PPAT: variants seen among roughly 807,000 people sequenced by gnomAD.
PPAT encodes phosphoribosyl pyrophosphate amidotransferase.
In PPAT, 20 loss-of-function variants were observed where a neutral mutation model predicts 60.2. That is an observed-to-expected ratio of 0.33 (90% confidence interval 0.23 to 0.48). The LOEUF is 0.48. Among genes scored for constraint, PPAT ranks in the 20% least tolerant of loss-of-function variants. The pLI is 0.99. For synonymous variants in PPAT, 194 were observed against 215.1 expected, an observed-to-expected ratio of 0.90 and a Z score of 0.86; for missense variants, 349 against 629.6, an observed-to-expected ratio of 0.55 and a Z score of 4.77.
intron 1 of PPAT, among the ~76,000 whole-genome samples, chr4:56,417,436 A>T (rs1469291879): frequency 6.6e-6 from 1 of 152,216 alleles, no homozygotes; most frequent in Non-Finnish European, 1.5e-5. Flanking sequence ...TTTGTATGAT[A>T]GGGGCCAAAA....
Position 56,396,589 on chromosome 4 carries a change from A to C in PPAT, c.1357+30T>G. 1 of 1,573,850 alleles carries C rather than the reference A, an allele frequency of 6.4e-7. No individual in the cohort carries two copies. The highest frequency in any genetic ancestry group is 8.7e-7 in the Non-Finnish European group (1 of 1,150,044). The stretch of plus-strand genomic sequence containing the variant: ...AAGCTTTGGATTTTCTCTGTTAATA[A>C]TCAAAGTTTATAGAAATTTTAATAC... On this transcript the variant is annotated intron_variant, in intron 10 of 10. Transcript: ENST00000264220. The surrounding 1 kb of genome is among the most constrained non-coding windows in gnomAD (Gnocchi z 4.6).
At position 56,393,601 on chromosome 4, in the gene PPAT, G is replaced by T. The variant is rs544251014; in HGVS notation, c.*1751C>A. The T allele has an allele frequency of 1.3e-5, 2 of 152,668 alleles. No individual in the cohort carries two copies. The highest frequency in any genetic ancestry group is 4.1e-4 in the South Asian group (2 of 4,832). 9.5% of individuals were successfully genotyped at this position (152,668 alleles called of 1,614,324 possible). On this transcript the variant is annotated 3_prime_UTR_variant, in exon 11 of 11. Transcript: ENST00000264220. ...TTGTGAAGTAAAAGGCCATGATGGA[G>T]AAATATTAAGAATCTGTAGAATTAC...
At chr4:56,419,614 G>C (rs1217892407) in intron 1 of PPAT, 2 of 944,918 alleles carry the variant, frequency 2.1e-6, no homozygotes, top group Non-Finnish European at 2.5e-6. Context: ...CCTAATGCAG[G>C]TATCTCTACG....
intron 1 of PPAT, among the ~76,000 whole-genome samples, chr4:56,426,370 C>G (rs1717293033): frequency 6.6e-6 from 1 of 151,998 alleles, no homozygotes; most frequent in Non-Finnish European, 1.5e-5. Context: ...CCACTGCACT[C>G]CAGCCTGGGC....
intron 1 of PPAT, chr4:56,421,981 C>T (rs1717060051): frequency 6.6e-6 from 1 of 152,112 alleles, no homozygotes; most frequent in Admixed American, 6.6e-5. Context: ...GTTTAAAACA[C>T]AATTCTGGGC....
chr4:56,402,793 TG>T (rs1387721535), intron 5 of PPAT, among the ~76,000 whole-genome samples: 4 of 112,546 alleles, frequency 3.6e-5, no homozygotes, highest in Admixed American at 2.8e-4. Flanking sequence ...TCCAGCAGCC[TG>T]GGCAACAAGA....
At chr4:56,401,301 G>C (rs982379099) in intron 7 of PPAT, 29 bp downstream of exon 7, 1 of 1,535,576 alleles carries the variant, frequency 6.5e-7, no homozygotes, top group Non-Finnish European at 8.8e-7. Context: ...ACATTTATAT[G>C]AATGTTCAAA....
At chr4:56,412,924 AT>A (rs1716536351) in intron 1 of PPAT, among the ~76,000 whole-genome samples, 1 of 152,224 alleles carries the variant, frequency 6.6e-6, no homozygotes. Context: ...TGCATTAAAA[AT>A]AATCTTTAAA....
chr4:56,425,111 A>ATGGC (rs1315802195), intron 1 of PPAT, among the ~76,000 whole-genome samples: 8 of 152,192 alleles, frequency 5.3e-5, no homozygotes, highest in Non-Finnish European at 7.3e-5. Flanking sequence ...TCACAATGAG[A>ATGGC]TGGCCAGCAG....
In PPAT at chr4:56,399,161, T is replaced by G; in HGVS notation, c.1236+18A>C. ...TATTGTTAACTTATGCTTTAGGATATGTTTTAATATTACTTACCTCTTTTG... is the reference window on the plus strand; with the variant it reads ...TATTGTTAACTTATGCTTTAGGATAGGTTTTAATATTACTTACCTCTTTTG... On this transcript the variant is annotated intron_variant, in intron 9 of 10. Transcript: ENST00000264220. The G allele has an allele frequency of 6.4e-7, 1 of 1,574,520 alleles. No homozygotes were observed. Among genetic ancestry groups the G allele is most frequent in the Non-Finnish European group, 8.7e-7 (1 of 1,145,014 alleles).
intron 1 of PPAT, among the ~76,000 whole-genome samples, chr4:56,417,826 G>A (rs1221588939): frequency 3.6e-5 from 5 of 137,644 alleles, no homozygotes; most frequent in African/African-American, 1.4e-4. Context: ...GGTATAATTT[G>A]AAGATTTGGT....
intron 1 of PPAT, among the ~76,000 whole-genome samples, chr4:56,432,983 T>TATAC (rs1553940515): frequency 1.4e-5 from 2 of 147,834 alleles, no homozygotes; most frequent in African/African-American, 5.1e-5. Flanking sequence ...CATATATACA[T>TATAC]ACACACACGT....
chr4:56,401,716 G>T (rs560130983), intron 6 of PPAT, among the ~76,000 whole-genome samples: 1 of 152,116 alleles, frequency 6.6e-6, no homozygotes, highest in African/African-American at 2.4e-5. Context: ...GCCCTAAGTT[G>T]TATTGAATTT....
intron 1 of PPAT, chr4:56,420,074 T>C (rs752204058): frequency 5.7e-5 from 46 of 810,962 alleles, no homozygotes; most frequent in Non-Finnish European, 6.4e-5. Context: ...AAAATAATCT[T>C]AACATCATGT....
Position 56,416,371 on chromosome 4 carries a change from A to G in PPAT, c.129-8655T>C, listed in dbSNP as rs553087409. On this transcript the variant is annotated intron_variant, in intron 1 of 10. Transcript: ENST00000264220. ...TTACAGGTAAAATGTCAATTGCATC[A>G]GTAGATAAGGAAGATGTCTCAGGAA... 5.7e-6 allele frequency: 5 copies of G among 870,888 alleles called. No homozygotes were observed. In the South Asian group the frequency reaches 2.6e-4, roughly 46 times the overall value. The allele number at this position is 870,888 out of a possible 1,614,324, so 53.9% of individuals were successfully genotyped here. A position where few individuals can be genotyped will look rare whatever the true frequency, so the allele number is the denominator to read the frequency against.
chr4:56,435,548 C>T lies in PPAT; in HGVS notation c.-71G>A, dbSNP rs375418740. ...TGTAAGCACCAACCAGCTGCCAGCT[C>T]GGCCCGTCGAGCTCAGAAGCTCGCG... On this transcript the variant is annotated 5_prime_UTR_variant, in exon 1 of 11. Coordinates refer to ENST00000264220, the MANE Select transcript of PPAT (RefSeq NM_002703.5). 21 of 1,607,416 alleles carry T rather than the reference C, an allele frequency of 1.3e-5. 1 individual carries two copies. Among genetic ancestry groups the T allele is most frequent in the East Asian group, 8.9e-5 (4 of 44,838 alleles).
chr4:56,433,787 C>T (rs1717739806), intron 1 of PPAT, among the ~76,000 whole-genome samples: 2 of 152,054 alleles, frequency 1.3e-5, no homozygotes, highest in South Asian at 2.1e-4. Context: ...CTAAGCCTCC[C>T]GGGTTCAAGC....
intron 1 of PPAT, among the ~76,000 whole-genome samples, chr4:56,426,381 G>A (rs971064250): frequency 1.3e-5 from 2 of 151,478 alleles, no homozygotes; most frequent in Non-Finnish European, 2.9e-5. Flanking sequence ...CAGCCTGGGC[G>A]ACTGAGCAAG....
rs191988733 is a variant in PPAT at position 56,419,586 on chromosome 4, A to G, written c.129-11870T>C. On this transcript the variant is annotated intron_variant, in intron 1 of 10. Coordinates refer to ENST00000264220, the MANE Select transcript of PPAT (RefSeq NM_002703.5). The stretch of plus-strand genomic sequence containing the variant: ...ACCTTGTCTGATGTATATAATGCAT[A>G]TATCTTTTACCTCTCTACCTAATGC... 13 of 771,618 alleles carry G rather than the reference A, an allele frequency of 1.7e-5. No individual in the cohort carries two copies. In the African/African-American group the frequency reaches 1.9e-4, roughly 11 times the overall value. 47.8% of individuals were successfully genotyped at this position (771,618 alleles called of 1,614,324 possible). A position where few individuals can be genotyped will look rare whatever the true frequency, so the allele number is the denominator to read the frequency against.
Sources: gnomAD v4.1 joint callset for allele counts (sites outside exome capture counted in the v4.1 genomes callset) on GRCh38, gnomAD v4.1.1 for gene constraint, Gnocchi (gnomAD v3.1) non-coding constraint, MANE v1.5 for transcripts, NCBI Gene and HGNC (gene_info 2026-07-23, HGNC 2026-07-21) for gene names.